The following SPIDR variants were observed in gnomAD, a reference collection of about 807,000 sequenced individuals.
The protein encoded by SPIDR is scaffold protein involved in DNA repair.
Under a neutral mutation model 104.6 loss-of-function variants are expected in SPIDR, and 93 were observed. The ratio of observed to expected loss-of-function variants is 0.89; its 90% CI spans 0.75 to 1.06. The LOEUF is 1.06. Among genes scored for constraint, SPIDR ranks in the 50% least tolerant of loss-of-function variants. The pLI, the probability that SPIDR is intolerant of heterozygous loss-of-function variation, is 0.00. For missense variants in SPIDR, 1,154 were observed against 1,111.2 expected (o/e 1.04, Z -0.55); for synonymous variants, 431 against 416.9 (o/e 1.03, Z -0.41).
At chr8:47,656,746 T>G (rs2072895673) in intron 10 of SPIDR, among the ~76,000 whole-genome samples, 1 of 152,164 alleles carries the variant, frequency 6.6e-6, no homozygotes, top group Non-Finnish European at 1.5e-5. Context: ...TGCAAAAATG[T>G]CAAAACAACT....
intron 10 of SPIDR, among the ~76,000 whole-genome samples, chr8:47,621,907 G>T (rs2065226179): frequency 6.6e-6 from 1 of 152,216 alleles, no homozygotes; most frequent in Non-Finnish European, 1.5e-5. Context: ...GGAGGTTGCA[G>T]TGACTGGAGA....
At chr8:47,445,268 G>A (rs1554700688) in intron 8 of SPIDR, among the ~76,000 whole-genome samples, 1 of 152,136 alleles carries the variant, frequency 6.6e-6, no homozygotes, top group Admixed American at 6.5e-5. Flanking sequence ...AATTATCCCA[G>A]TATTTCAGAG....
chr8:47,529,996 A>G (rs2085676796), intron 8 of SPIDR, among the ~76,000 whole-genome samples: 1 of 152,188 alleles, frequency 6.6e-6, no homozygotes, highest in South Asian at 2.1e-4. Context: ...GAAATGCATT[A>G]TTAGGTGATT....
chr8:47,413,215 T>C (rs2063776742), intron 7 of SPIDR, among the ~76,000 whole-genome samples: 1 of 152,254 alleles, frequency 6.6e-6, no homozygotes, highest in African/African-American at 2.4e-5. Flanking sequence ...ATCATTTGCA[T>C]ACTGCGTTGA....
intron 10 of SPIDR, among the ~76,000 whole-genome samples, chr8:47,672,239 G>T (rs536070083): frequency 1.1e-4 from 17 of 152,322 alleles, no homozygotes; most frequent in African/African-American, 3.6e-4. Context: ...GGGATTACAG[G>T]TGTGAGCCAC....
chr8:47,419,050 G>T (rs1380135079), intron 7 of SPIDR: 1 of 152,180 alleles, frequency 6.6e-6, no homozygotes, highest in Admixed American at 6.5e-5. Flanking sequence ...TTGCATCGAT[G>T]TTCCTCAGGG....
intron 12 of SPIDR, among the ~76,000 whole-genome samples, chr8:47,701,429 A>G (rs1000154182): frequency 6.6e-6 from 1 of 152,172 alleles, no homozygotes; most frequent in South Asian, 2.1e-4. Flanking sequence ...CTCTGTCTCA[A>G]AAAAAAGCCA....
intron 8 of SPIDR, among the ~76,000 whole-genome samples, chr8:47,480,935 T>A (rs1354727312): frequency 6.6e-6 from 1 of 152,228 alleles, no homozygotes; most frequent in Non-Finnish European, 1.5e-5. Flanking sequence ...GGAATGTTGA[T>A]AAAAGCAACC....
intron 5 of SPIDR, among the ~76,000 whole-genome samples, chr8:47,346,836 T>C (rs951793332): frequency 3.3e-5 from 5 of 152,216 alleles, no homozygotes; most frequent in Non-Finnish European, 7.3e-5. Flanking sequence ...TTGCATCTAT[T>C]TGATTCTTCT....
intron 8 of SPIDR, among the ~76,000 whole-genome samples, chr8:47,480,649 C>T (rs1167607608): frequency 2.0e-5 from 3 of 152,152 alleles, no homozygotes; most frequent in East Asian, 3.9e-4. Context: ...TCTCAGGGAT[C>T]GGCGCACAGC....
At chr8:47,433,909 A>G (rs1017813379) in intron 7 of SPIDR, among the ~76,000 whole-genome samples, 39 of 182 alleles carry the variant, frequency 0.21, no homozygotes, top group Admixed American at 0.36. Context: ...AGAGCAGGGT[A>G]TACACCTTCT....
intron 8 of SPIDR, among the ~76,000 whole-genome samples, chr8:47,581,860 A>T (rs1442641691): frequency 6.6e-6 from 1 of 152,200 alleles, no homozygotes; most frequent in Non-Finnish European, 1.5e-5. Flanking sequence ...GCCACTCTCC[A>T]CAGACGAAAA....
At chr8:47,326,149 C>T (rs892308432) in intron 5 of SPIDR, among the ~76,000 whole-genome samples, 1 of 152,092 alleles carries the variant, frequency 6.6e-6, no homozygotes, top group African/African-American at 2.4e-5. Context: ...TGCATGCCAC[C>T]ACGTCCTGCT....
intron 16 of SPIDR, among the ~76,000 whole-genome samples, chr8:47,714,978 A>G (rs1481189786): frequency 6.6e-6 from 1 of 151,840 alleles, no homozygotes; most frequent in African/African-American, 2.4e-5. Flanking sequence ...CCTATAATTC[A>G]CTCCTTTAAA....
intron 11 of SPIDR, among the ~76,000 whole-genome samples, chr8:47,685,489 A>ATTTTTTTTTT: frequency 8.9e-6 from 1 of 112,966 alleles, no homozygotes; most frequent in African/African-American, 2.7e-5. Flanking sequence ...TTATTTATTT[A>ATTTTTTTTTT]TTTATTTATT....
chr8:47,700,685 G>A (rs1351480413), intron 12 of SPIDR, among the ~76,000 whole-genome samples, 195 bp downstream of exon 12: 3 of 152,226 alleles, frequency 2.0e-5, no homozygotes, highest in Non-Finnish European at 2.9e-5. Flanking sequence ...TGGAGACCAA[G>A]CTCTGGCTGC....
At chr8:47,403,892 A>T (rs2154318743) in intron 6 of SPIDR, among the ~76,000 whole-genome samples, 1 of 152,324 alleles carries the variant, frequency 6.6e-6, no homozygotes, top group African/African-American at 2.4e-5. Flanking sequence ...CGCATTGCCA[A>T]GACAATCCTA....
rs2080248350 is a variant in SPIDR at position 47,701,951 on chromosome 8, T to C, written c.1918-5T>C. 6.2e-7 allele frequency: 1 copy of C among 1,613,988 alleles called. No individual in the cohort carries two copies. The highest frequency in any genetic ancestry group is 1.7e-5 in the Admixed American group (1 of 59,992). ...TGCTGCCAACCTTTTCTAATTCCTT[T>C]CCAGATGAATGATCTTGGTACCCGT... On this transcript the variant is annotated splice_polypyrimidine_tract_variant and splice_region_variant and intron_variant, in intron 13 of 19. Transcript: ENST00000297423.
intron 5 of SPIDR, among the ~76,000 whole-genome samples, chr8:47,337,612 G>A (rs1269964464): frequency 6.8e-6 from 1 of 146,204 alleles, no homozygotes; most frequent in Non-Finnish European, 1.5e-5. Context: ...TTTGGTTGCT[G>A]CTGCTTTTTG....
Sources: gnomAD v4.1 joint callset for allele counts (sites outside exome capture counted in the v4.1 genomes callset) on GRCh38, gnomAD v4.1.1 for gene constraint, MANE v1.5 for transcripts, NCBI Gene and HGNC (gene_info 2026-07-23, HGNC 2026-07-21) for gene names.